SYT16: variants seen among roughly 807,000 people sequenced by gnomAD.
SYT16 encodes synaptotagmin-16.
Under a neutral mutation model 61.4 loss-of-function variants are expected in SYT16, and 42 were observed. The observed-to-expected ratio is 0.68, with a 90% CI of 0.53 to 0.89. The LOEUF (loss-of-function observed/expected upper bound fraction) is 0.89. SYT16 is among the 40% of genes least tolerant of loss of function. SYT16 has a pLI of 0.00. For missense variants in SYT16, 804 were observed against 807.3 expected (o/e 1.00, Z 0.05); for synonymous variants, 314 against 302.3 (o/e 1.04, Z -0.40).
intron 1 of SYT16, among the ~76,000 whole-genome samples, chr14:61,835,086 A>G (rs17099252): frequency 0.022 from 3,411 of 152,220 alleles, 64 homozygotes; most frequent in African/African-American, 0.052. Context: ...GTGATAAGAC[A>G]TTTTCAAGGA....
intron 3 of SYT16, among the ~76,000 whole-genome samples, chr14:62,022,961 A>G (rs914936731): frequency 1.3e-5 from 2 of 152,196 alleles, no homozygotes; most frequent in Non-Finnish European, 2.9e-5. Flanking sequence ...TTTTAAAAAC[A>G]TATTAATCTT....
intron 1 of SYT16, among the ~76,000 whole-genome samples, chr14:61,943,501 G>A (rs980418638): frequency 1.3e-5 from 2 of 152,086 alleles, no homozygotes; most frequent in African/African-American, 2.4e-5. Flanking sequence ...TTTGCAAATC[G>A]AATCCAGCAG....
At chr14:61,921,339 T>G (rs1477097934) in intron 1 of SYT16, among the ~76,000 whole-genome samples, 1 of 152,158 alleles carries the variant, frequency 6.6e-6, no homozygotes, top group Non-Finnish European at 1.5e-5. Flanking sequence ...CATTGTTCCT[T>G]ATTGCAAAGG....
chr14:62,064,620 C>A (rs1251380743), intron 3 of SYT16, among the ~76,000 whole-genome samples: 2 of 152,104 alleles, frequency 1.3e-5, no homozygotes, highest in East Asian at 3.8e-4. Context: ...CATGGGGAAA[C>A]AGATGGTAGA....
At chr14:62,033,632 G>A (rs1418048358) in intron 3 of SYT16, among the ~76,000 whole-genome samples, 2 of 152,036 alleles carry the variant, frequency 1.3e-5, no homozygotes, top group Non-Finnish European at 2.9e-5. Flanking sequence ...AAAGACATGA[G>A]AGCTGCTGTA....
At chr14:62,017,517 T>C (rs560968123) in intron 3 of SYT16, among the ~76,000 whole-genome samples, 3 of 152,346 alleles carry the variant, frequency 2.0e-5, no homozygotes, top group African/African-American at 7.2e-5. Flanking sequence ...TCCACAATTA[T>C]GCTTATCTCT....
chr14:61,921,290 C>T, intron 1 of SYT16, among the ~76,000 whole-genome samples: 1 of 152,124 alleles, frequency 6.6e-6, no homozygotes, highest in Non-Finnish European at 1.5e-5. Context: ...TCCCCTCCTG[C>T]CCGGGGTGTC....
intron 1 of SYT16, among the ~76,000 whole-genome samples, chr14:61,849,207 C>G (rs1432857136): frequency 1.3e-5 from 2 of 152,154 alleles, no homozygotes; most frequent in African/African-American, 2.4e-5. Flanking sequence ...ATTGTCTTTA[C>G]TCTTCTCTCT....
intron 1 of SYT16, among the ~76,000 whole-genome samples, chr14:61,813,791 C>G (rs1430037813): frequency 6.7e-6 from 1 of 148,336 alleles, no homozygotes; most frequent in Admixed American, 6.8e-5. Flanking sequence ...GCTACAGAGG[C>G]CCTTTGGAAG....
intron 1 of SYT16, among the ~76,000 whole-genome samples, chr14:61,869,102 C>T (rs982750652): frequency 9.9e-5 from 15 of 152,058 alleles, no homozygotes; most frequent in South Asian, 2.1e-4. Context: ...AGCTTTATTT[C>T]GGTTAGTTTT....
chr14:62,059,672 T>C (rs2055730291), intron 3 of SYT16, among the ~76,000 whole-genome samples: 1 of 144,162 alleles, frequency 6.9e-6, no homozygotes, highest in African/African-American at 2.7e-5. Context: ...AATTGATACA[T>C]ATATATAATT....
At chr14:61,851,150 A>T (rs1423289841) in intron 1 of SYT16, among the ~76,000 whole-genome samples, 1 of 152,132 alleles carries the variant, frequency 6.6e-6, no homozygotes, top group Non-Finnish European at 1.5e-5. Flanking sequence ...TACAAGTGAG[A>T]ACATGTGGTG....
chr14:62,054,016 T>C (rs1256870302), intron 3 of SYT16, among the ~76,000 whole-genome samples: 1 of 152,240 alleles, frequency 6.6e-6, no homozygotes, highest in Non-Finnish European at 1.5e-5. Flanking sequence ...TGAATGTGCA[T>C]ATCCATGACA....
intron 2 of SYT16, among the ~76,000 whole-genome samples, chr14:61,987,621 G>A (rs2052368900): frequency 6.6e-6 from 1 of 152,116 alleles, no homozygotes; most frequent in Non-Finnish European, 1.5e-5. Context: ...GTTGTCAAAG[G>A]TAATTATTAG....
chr14:61,829,289 C>T (rs898791266), intron 1 of SYT16, among the ~76,000 whole-genome samples: 1 of 152,134 alleles, frequency 6.6e-6, no homozygotes, highest in Non-Finnish European at 1.5e-5. Flanking sequence ...GAATTGTTAT[C>T]CCACTGTATA....
intron 2 of SYT16, among the ~76,000 whole-genome samples, chr14:61,975,236 G>C (rs949654429): frequency 5.3e-5 from 8 of 151,944 alleles, no homozygotes; most frequent in Admixed American, 5.2e-4. Flanking sequence ...CAACAAACAG[G>C]TGGTAATATA....
At chr14:61,865,891 C>A (rs1442234027) in intron 1 of SYT16, among the ~76,000 whole-genome samples, 1 of 151,976 alleles carries the variant, frequency 6.6e-6, no homozygotes, top group East Asian at 1.9e-4. Context: ...CATTTTATAT[C>A]TGGAATTAAG....
intron 1 of SYT16, among the ~76,000 whole-genome samples, chr14:61,946,686 C>T (rs1216572453): frequency 6.6e-6 from 1 of 152,142 alleles, no homozygotes; most frequent in Non-Finnish European, 1.5e-5. Context: ...CTGAATAATA[C>T]TCTTTCAGAG....
chr14:61,984,222 T>C (rs1330646456), intron 2 of SYT16, among the ~76,000 whole-genome samples: 1 of 152,206 alleles, frequency 6.6e-6, no homozygotes, highest in African/African-American at 2.4e-5. Context: ...CTTTAGTCTA[T>C]GTTGGAAAGA....
Sources: gnomAD v4.1 joint callset for allele counts (sites outside exome capture counted in the v4.1 genomes callset) on GRCh38, gnomAD v4.1.1 for gene constraint, MANE v1.5 for transcripts, NCBI Gene and HGNC (gene_info 2026-07-23, HGNC 2026-07-21) for gene names.